Variants in PRDM16 observed in about 807,000 individuals in gnomAD.
PRDM16 encodes the protein PR/SET domain 16.
Under a neutral mutation model 110.6 loss-of-function variants are expected in PRDM16, and 23 were observed. The ratio of observed to expected loss-of-function variants is 0.21; its 90% confidence interval spans 0.15 to 0.29. The LOEUF (loss-of-function observed/expected upper bound fraction) is 0.29, where lower values mean the gene tolerates loss of function less well. PRDM16 is among the 10% of genes least tolerant of loss of function. The probability of loss-of-function intolerance (pLI) is 1.00; values close to 1 mark genes in which losing one functional copy is unlikely to be tolerated. For missense variants in PRDM16, 1,615 were observed against 1,794.3 expected, an observed-to-expected ratio of 0.90 and a Z score of 1.81; for synonymous variants, 799 against 781.8, an observed-to-expected ratio of 1.02 and a Z score of -0.37.
intron 1 of PRDM16, among the ~76,000 whole-genome samples, chr1:3,158,311 G>A (rs1046247711): frequency 1.3e-5 from 2 of 152,302 alleles, no homozygotes; most frequent in African/African-American, 2.4e-5. Flanking sequence ...AGGGAAGCCA[G>A]GCTCAGCTGA....
At chr1:3,340,503 A>G (rs189977493) in intron 3 of PRDM16, among the ~76,000 whole-genome samples, 3 of 152,316 alleles carry the variant, frequency 2.0e-5, no homozygotes, top group Non-Finnish European at 1.5e-5. Context: ...GAGGGAAAAT[A>G]AAACAATTAT....
chr1:3,355,086 C>G (rs963974652), intron 3 of PRDM16, among the ~76,000 whole-genome samples: 2 of 152,116 alleles, frequency 1.3e-5, no homozygotes, highest in African/African-American at 4.8e-5. Flanking sequence ...CCTCCCGCAC[C>G]GATACCAGGC....
rs559664523 is a variant in PRDM16 at position 3,089,892 on chromosome 1, T to C, written c.37+20596T>C. On this transcript the variant is annotated intron_variant, in intron 1 of 16. Coordinates refer to ENST00000270722, the MANE Select transcript of PRDM16 (RefSeq NM_022114.4). Reference sequence around the variant, plus strand: ...TGCAGAGAAAGCTGCTCAGAACCACTGTGACCCAGCGTCTAAAATCCACTC... The same window carrying C: ...TGCAGAGAAAGCTGCTCAGAACCACCGTGACCCAGCGTCTAAAATCCACTC... Among the ~76,000 whole-genome samples the C allele has an allele frequency of 2.6e-5, 4 of 151,398 alleles. No homozygotes were observed. The South Asian group carries it at 8.4e-4, about 32-fold the overall frequency.
Position 3,201,662 on chromosome 1 carries a change from G to A in PRDM16, c.387+15188G>A, listed in dbSNP as rs72846894. 0.016 allele frequency among the ~76,000 whole-genome samples: 2,460 copies of A among 152,328 alleles called. 66 individuals carry two copies. The highest frequency in any genetic ancestry group is 0.055 in the African/African-American group (2,267 of 41,582). ...TTTCTCCAGTGACCCCTGGCAGGTC[G>A]GGGACCCCAGCCACTTCCAGCACCT... On this transcript the variant is annotated intron_variant, in intron 2 of 16. Coordinates refer to ENST00000270722, the MANE Select transcript of PRDM16 (RefSeq NM_022114.4). The surrounding 1 kb of genome is among the most constrained non-coding windows in gnomAD (Gnocchi z 4.1).
intron 1 of PRDM16, among the ~76,000 whole-genome samples, chr1:3,094,267 A>C (rs1377529269): frequency 2.6e-5 from 4 of 152,172 alleles, no homozygotes; most frequent in African/African-American, 9.7e-5. Flanking sequence ...CGCCATCCCC[A>C]CCCTGCCTCC....
chr1:3,266,397 C>G (rs556275518), intron 3 of PRDM16, among the ~76,000 whole-genome samples: 15 of 152,306 alleles, frequency 9.8e-5, no homozygotes, highest in Non-Finnish European at 4.4e-5. Flanking sequence ...CCCCGAGAGC[C>G]CCTCGCACTT....
At chr1:3,086,416 C>T (rs1642153673) in intron 1 of PRDM16, among the ~76,000 whole-genome samples, 1 of 152,196 alleles carries the variant, frequency 6.6e-6, no homozygotes, top group Admixed American at 6.5e-5. Flanking sequence ...TGCCACGGGG[C>T]TGCTACCCAC....
chr1:3,249,820 T>C (rs1301056473), intron 3 of PRDM16, among the ~76,000 whole-genome samples: 1 of 152,200 alleles, frequency 6.6e-6, no homozygotes, highest in African/African-American at 2.4e-5. Flanking sequence ...GAATCGGGAG[T>C]CCATTAATTC....
At chr1:3,408,812 G>A (rs574752846) in intron 8 of PRDM16, among the ~76,000 whole-genome samples, 1 of 151,838 alleles carries the variant, frequency 6.6e-6, no homozygotes, top group African/African-American at 2.4e-5. Flanking sequence ...GTGAGCGCGT[G>A]TGGGCGCGTG....
At chr1:3,089,158 T>C (rs1642217043) in intron 1 of PRDM16, among the ~76,000 whole-genome samples, 1 of 152,210 alleles carries the variant, frequency 6.6e-6, no homozygotes, top group South Asian at 2.1e-4. Context: ...TGAGGGTGTT[T>C]TGCAGGCCTG....
chr1:3,181,767 CAGTCTTACACAT>C (rs1644204722), intron 1 of PRDM16, among the ~76,000 whole-genome samples: 3 of 132,362 alleles, frequency 2.3e-5, no homozygotes, highest in African/African-American at 8.7e-5. Context: ...GTCTTACACA[CAGTCTTACACAT>C]GCAGTCTTAC....
intron 3 of PRDM16, among the ~76,000 whole-genome samples, chr1:3,312,487 C>A (rs901778109): frequency 2.6e-5 from 4 of 152,238 alleles, no homozygotes; most frequent in African/African-American, 7.2e-5. Flanking sequence ...CACAGCCGCT[C>A]CTCCCCAGCC....
intron 3 of PRDM16, among the ~76,000 whole-genome samples, chr1:3,313,247 GA>G (rs1468117090): frequency 6.6e-6 from 1 of 152,244 alleles, no homozygotes; most frequent in Non-Finnish European, 1.5e-5. Flanking sequence ...AAAGGAATGT[GA>G]CCGCGCTGTC....
chr1:3,429,753 C>T (rs1159261979), intron 14 of PRDM16, among the ~76,000 whole-genome samples: 4 of 152,222 alleles, frequency 2.6e-5, no homozygotes, highest in African/African-American at 9.7e-5. Flanking sequence ...AGGTTCTGTC[C>T]GTCCTGGAAG....
intron 3 of PRDM16, among the ~76,000 whole-genome samples, chr1:3,267,544 CTA>C (rs1462677165): frequency 3.3e-5 from 5 of 152,304 alleles, no homozygotes; most frequent in African/African-American, 1.2e-4. Flanking sequence ...CACAATAACG[CTA>C]TGTCTCACTT....
At chr1:3,194,607 C>T (rs1223210985) in intron 2 of PRDM16, among the ~76,000 whole-genome samples, 1 of 149,322 alleles carries the variant, frequency 6.7e-6, no homozygotes, top group Non-Finnish European at 1.5e-5. Flanking sequence ...CCACCACACG[C>T]CACCGTCTCC....
At position 3,190,810 on chromosome 1, in the gene PRDM16, T is replaced by G. The variant is rs1247115439; in HGVS notation, c.387+4336T>G. Among the ~76,000 whole-genome samples the G allele has an allele frequency of 6.6e-6, 1 of 152,256 alleles. No individual in the cohort carries two copies. The highest frequency in any genetic ancestry group is 1.9e-4 in the East Asian group (1 of 5,200). On this transcript the variant is annotated intron_variant, in intron 2 of 16. Coordinates refer to ENST00000270722, the MANE Select transcript of PRDM16 (RefSeq NM_022114.4). The surrounding 1 kb of genome is among the most constrained non-coding windows in gnomAD (Gnocchi z 5.0). The stretch of plus-strand genomic sequence containing the variant: ...CAAAAACAATGATTTTCACATTTGT[T>G]GAGTAAATCATGACATTTATCATCA...
intron 3 of PRDM16, among the ~76,000 whole-genome samples, chr1:3,273,728 G>A (rs976911623): frequency 4.0e-5 from 6 of 151,748 alleles, no homozygotes; most frequent in Non-Finnish European, 7.4e-5. Context: ...GTAAGCACAT[G>A]TGTGTGCATG....
chr1:3,351,988 C>G (rs1283931386), intron 3 of PRDM16, among the ~76,000 whole-genome samples: 1 of 151,944 alleles, frequency 6.6e-6, no homozygotes, highest in African/African-American at 2.4e-5. Flanking sequence ...CCCTAAGGAC[C>G]TCCCCAAAGA....
Sources: allele counts gnomAD v4.1 joint callset (sites outside exome capture counted in the v4.1 genomes callset), GRCh38; gene constraint gnomAD v4.1.1; non-coding constraint Gnocchi (gnomAD v3.1); transcripts MANE v1.5; gene names NCBI Gene and HGNC (gene_info 2026-07-23, HGNC 2026-07-21).